Variants in CENPH observed in about 807,000 individuals in gnomAD.
CENPH encodes centromere protein H, also known as CENP-H.
In CENPH, 40 loss-of-function variants were observed where a neutral mutation model predicts 42.9. The ratio of observed to expected loss-of-function variants is 0.93; its 90% CI spans 0.72 to 1.21. CENPH has a LOEUF of 1.21. Among genes scored for constraint, CENPH ranks in the 50% most tolerant of loss-of-function variants. The probability of loss-of-function intolerance (pLI) is 0.00; values close to 1 mark genes in which losing one functional copy is unlikely to be tolerated. For missense variants in CENPH, 302 were observed against 292.9 expected (o/e 1.03, Z -0.23); for synonymous variants, 88 against 96.5 (o/e 0.91, Z 0.52).
At chr5:69,209,567 A>T (rs531741663) in intron 8 of CENPH, 140 bp from the exon 9 acceptor site, 1 of 536,790 alleles carries the variant, frequency 1.9e-6, no homozygotes, top group Non-Finnish European at 3.3e-6. Context: ...AGAATGTATT[A>T]TCATTTTTTT....
intron 2 of CENPH, among the ~76,000 whole-genome samples, chr5:69,192,741 A>C (rs1358747442): frequency 6.6e-6 from 1 of 152,194 alleles, no homozygotes; most frequent in Non-Finnish European, 1.5e-5. Context: ...TCCACTGGGC[A>C]ACAGAGTGAG....
intron 7 of CENPH, among the ~76,000 whole-genome samples, chr5:69,206,685 C>CG (rs1370587522): frequency 1.3e-5 from 2 of 151,956 alleles, no homozygotes; most frequent in South Asian, 4.2e-4. Flanking sequence ...TTAGTAGAGA[C>CG]GGGTTTCATC....
At chr5:69,207,144 A>G (rs1160876148) in intron 7 of CENPH, among the ~76,000 whole-genome samples, 1 of 152,124 alleles carries the variant, frequency 6.6e-6, no homozygotes, top group Non-Finnish European at 1.5e-5. Context: ...ATTTCCAGTA[A>G]TACAAAAAAT....
In CENPH at chr5:69,189,593, C is replaced by G. The variant is rs373405242; in HGVS notation, c.-42C>G. ...GGCGGGAAAAGCGACCTTTTCTGAGCGCGTTTGCCTGTTGAGTGGTAGCCT... is the reference window on the plus strand; with the variant it reads ...GGCGGGAAAAGCGACCTTTTCTGAGGGCGTTTGCCTGTTGAGTGGTAGCCT... On this transcript the variant is annotated 5_prime_UTR_variant, in exon 1 of 9. Coordinates refer to ENST00000283006, the MANE Select transcript of CENPH (RefSeq NM_022909.4). 2.0e-6 allele frequency: 3 copies of G among 1,529,958 alleles called. No individual in the cohort carries two copies. Among genetic ancestry groups the G allele is most frequent in the South Asian group, 2.4e-5 (2 of 83,112 alleles). The allele number at this position is 1,529,958 out of a possible 1,614,324, so 94.8% of individuals were successfully genotyped here. A position where few individuals can be genotyped will look rare whatever the true frequency, so the allele number is the denominator to read the frequency against.
At chr5:69,205,474 G>T (rs180746366) in intron 7 of CENPH, among the ~76,000 whole-genome samples, 1 of 151,298 alleles carries the variant, frequency 6.6e-6, no homozygotes, top group Non-Finnish European at 1.5e-5. Flanking sequence ...TGTTCTCCCC[G>T]CCTCTGCCTC....
chr5:69,199,598 G>T (rs920917321), intron 5 of CENPH, among the ~76,000 whole-genome samples: 1 of 152,070 alleles, frequency 6.6e-6, no homozygotes. Context: ...ATGGGTGAGG[G>T]GTCTGATGTC....
chr5:69,204,919 C>CTTTTTT (rs375795328), intron 7 of CENPH, among the ~76,000 whole-genome samples: 25 of 99,396 alleles, frequency 2.5e-4, no homozygotes, highest in African/African-American at 3.9e-4. Context: ...TTTTCTTTTT[C>CTTTTTT]TTTTTTTTTT....
Position 69,195,798 on chromosome 5 carries a change from A to T in CENPH, c.314+7A>T, listed in dbSNP as rs1318143200. 1.5e-6 allele frequency: 2 copies of T among 1,377,600 alleles called. No homozygotes were observed. Among genetic ancestry groups the T allele is most frequent in the Non-Finnish European group, 2.0e-6 (2 of 986,408 alleles). The allele number at this position is 1,377,600 out of a possible 1,614,324, so 85.3% of individuals were successfully genotyped here. A position where few individuals can be genotyped will look rare whatever the true frequency, so the allele number is the denominator to read the frequency against. ...AAAAGCTTGCATTAGACAGGTAATTATTACATTTTAAATATAAGCATTGTG... is the reference window on the plus strand; with the variant it reads ...AAAAGCTTGCATTAGACAGGTAATTTTTACATTTTAAATATAAGCATTGTG... On this transcript the variant is annotated splice_region_variant and intron_variant, in intron 4 of 8. Coordinates refer to ENST00000283006, the MANE Select transcript of CENPH (RefSeq NM_022909.4).
chr5:69,195,983 C>T (rs945637095), intron 4 of CENPH, among the ~76,000 whole-genome samples, 192 bp downstream of exon 4: 9 of 152,136 alleles, frequency 5.9e-5, no homozygotes, highest in Non-Finnish European at 8.8e-5. Context: ...CTCTTGCCCA[C>T]GCTGGAGTAC....
rs903136072 is a variant in CENPH at position 69,205,259 on chromosome 5, G to A, written c.487+2289G>A. On this transcript the variant is annotated intron_variant, in intron 7 of 8. Transcript: ENST00000283006. ...TTTGTTTTTGTTTTGAAATAGTTTC[G>A]CTCTGTTGTCCAAGCTGGAGTGCAG... is the stretch of plus-strand genomic sequence containing the variant. 1.1e-4 allele frequency among the ~76,000 whole-genome samples: 5 copies of A among 45,182 alleles called. No individual in the cohort carries two copies. In the Admixed American group the frequency reaches 1.1e-3, roughly 10 times the overall value. 29.6% of individuals were successfully genotyped at this position (45,182 alleles called of 152,430 possible).
intron 4 of CENPH, among the ~76,000 whole-genome samples, chr5:69,196,565 A>T (rs1747967564): frequency 6.6e-6 from 1 of 152,116 alleles, no homozygotes; most frequent in Admixed American, 6.6e-5. Flanking sequence ...GAATCACTTA[A>T]ACCCAGGAGG....
intron 5 of CENPH, among the ~76,000 whole-genome samples, chr5:69,200,536 C>G (rs530526964): frequency 1.3e-5 from 2 of 151,960 alleles, no homozygotes; most frequent in Non-Finnish European, 2.9e-5. Context: ...TTTAAGACAA[C>G]CAAATATAGC....
At chr5:69,208,849 G>A (rs1748202347) in intron 8 of CENPH, among the ~76,000 whole-genome samples, 1 of 151,996 alleles carries the variant, frequency 6.6e-6, no homozygotes, top group Non-Finnish European at 1.5e-5. Context: ...CCAGGCTGGA[G>A]TGCAGTGGCA....
chr5:69,202,498 CT>C lies in CENPH; in HGVS notation c.372-4del. The C allele has an allele frequency of 6.8e-7, 1 of 1,479,818 alleles. No homozygotes were observed. The highest frequency in any genetic ancestry group is 9.3e-7 in the Non-Finnish European group (1 of 1,074,600). 91.7% of individuals were successfully genotyped at this position (1,479,818 alleles called of 1,614,324 possible). On this transcript the variant is annotated splice_polypyrimidine_tract_variant and splice_region_variant and intron_variant, in intron 5 of 8. Coordinates refer to ENST00000283006, the MANE Select transcript of CENPH (RefSeq NM_022909.4). The stretch of plus-strand genomic sequence containing the variant: ...CCTTAATAAATCATCTTTTTGTTTC[CT>C]TTTCAGTGTGCTCATGGATAACATG...
intron 7 of CENPH, among the ~76,000 whole-genome samples, chr5:69,205,875 A>T (rs1748149984): frequency 1.3e-5 from 2 of 149,750 alleles, no homozygotes; most frequent in African/African-American, 2.5e-5. Flanking sequence ...CGCCCGGCTA[A>T]TTTTTTTGTA....
Position 69,198,951 on chromosome 5 carries a change from A to C in CENPH, c.371+1842A>C, listed in dbSNP as rs1360501028. Among the ~76,000 whole-genome samples, 6 of 150,276 alleles carry C rather than the reference A, an allele frequency of 4.0e-5. No homozygotes were observed. The East Asian group carries it at 5.8e-4, about 15-fold the overall frequency. On this transcript the variant is annotated intron_variant, in intron 5 of 8. Transcript: ENST00000283006. ...TAGTAAGACCCCATCTCAAAAACAA[A>C]AAAAAAAAAGACATTCTTGAGTTAA...
intron 2 of CENPH, among the ~76,000 whole-genome samples, chr5:69,192,899 C>CCA (rs1466665803): frequency 6.6e-6 from 1 of 152,096 alleles, no homozygotes; most frequent in Non-Finnish European, 1.5e-5. Flanking sequence ...GAGTTCGAGA[C>CCA]CAGCCTGACC....
intron 1 of CENPH, among the ~76,000 whole-genome samples, chr5:69,191,429 G>A (rs1044414430): frequency 1.3e-5 from 2 of 152,116 alleles, no homozygotes; most frequent in Non-Finnish European, 2.9e-5. Flanking sequence ...GGAGAATGGC[G>A]TGAACCCGGG....
intron 7 of CENPH, among the ~76,000 whole-genome samples, chr5:69,207,513 A>G (rs1157935959): frequency 6.8e-6 from 1 of 147,578 alleles, no homozygotes; most frequent in Non-Finnish European, 1.5e-5. Context: ...TTAAATGAAA[A>G]GTAAGATTCC....
Sources: allele counts gnomAD v4.1 joint callset (sites outside exome capture counted in the v4.1 genomes callset), GRCh38; gene constraint gnomAD v4.1.1; transcripts MANE v1.5; gene names NCBI Gene and HGNC (gene_info 2026-07-23, HGNC 2026-07-21).